GRM7: variants seen among roughly 807,000 people sequenced by gnomAD.
GRM7 encodes glutamate metabotropic receptor 7, also known as metabotropic glutamate receptor 7.
Under a neutral mutation model 84.5 loss-of-function variants are expected in GRM7, and 35 were observed. The ratio of observed to expected loss-of-function variants is 0.41; its 90% CI spans 0.32 to 0.55. The LOEUF (loss-of-function observed/expected upper bound fraction) is 0.55, where lower values mean the gene tolerates loss of function less well. Ranked by LOEUF, GRM7 falls within the 20% of genes least tolerant of loss-of-function variation. The pLI is 0.19. For missense variants in GRM7, 1,003 were observed against 1,194.6 expected (o/e 0.84, Z 2.36); for synonymous variants, 487 against 455.1 (o/e 1.07, Z -0.89).
intron 7 of GRM7, among the ~76,000 whole-genome samples, chr3:7,504,611 C>T (rs1699985105): frequency 6.6e-6 from 1 of 152,080 alleles, no homozygotes; most frequent in South Asian, 2.1e-4. Context: ...TAAGAAAAGG[C>T]AAGAGCAAAA....
intron 1 of GRM7, among the ~76,000 whole-genome samples, chr3:6,948,297 T>G (rs1487695802): frequency 6.6e-6 from 1 of 152,244 alleles, no homozygotes; most frequent in Non-Finnish European, 1.5e-5. Context: ...TATTTCTGCC[T>G]TCATTTTGTT....
chr3:7,689,951 C>G (rs1335981209), intron 9 of GRM7, among the ~76,000 whole-genome samples: 1 of 152,132 alleles, frequency 6.6e-6, no homozygotes, highest in Non-Finnish European at 1.5e-5. Flanking sequence ...GACAAGGGCT[C>G]TTCCTCAAGG....
chr3:6,991,759 A>T (rs1203464552), intron 1 of GRM7, among the ~76,000 whole-genome samples: 1 of 152,130 alleles, frequency 6.6e-6, no homozygotes, highest in Non-Finnish European at 1.5e-5. Context: ...GTTAGTTACC[A>T]TTTGTGCATG....
chr3:7,324,627 A>G (rs1196769416), intron 4 of GRM7, among the ~76,000 whole-genome samples: 1 of 152,054 alleles, frequency 6.6e-6, no homozygotes, highest in Non-Finnish European at 1.5e-5. Context: ...CATACTAGCA[A>G]GTCTTTTTGT....
rs565546267 is a variant in GRM7 at position 6,865,253 on chromosome 3, T to TA, written c.519+3354dup. On this transcript the variant is annotated intron_variant, in intron 1 of 9. Transcript: ENST00000357716. ...TAATATTGACTATAAGTAACATATT[T>TA]AAAAAAAATCATCACAGAGTTGGGA... Among the ~76,000 whole-genome samples the TA allele has an allele frequency of 6.5e-4, 99 of 152,176 alleles. 1 individual carries two copies. Among genetic ancestry groups the TA allele is most frequent in the African/African-American group, 2.3e-3 (94 of 41,528 alleles).
At chr3:7,589,680 TGAAAG>T (rs1159401660) in intron 8 of GRM7, among the ~76,000 whole-genome samples, 3 of 152,100 alleles carry the variant, frequency 2.0e-5, no homozygotes, top group Non-Finnish European at 4.4e-5. Context: ...GTTTGGGAAA[TGAAAG>T]GAATCATCAT....
chr3:7,017,421 T>C (rs991574157), intron 1 of GRM7, among the ~76,000 whole-genome samples: 2 of 152,070 alleles, frequency 1.3e-5, no homozygotes, highest in Admixed American at 1.3e-4. Context: ...ACCCAAAAAA[T>C]ATCAACAGGC....
At chr3:7,361,700 A>G (rs1027071389) in intron 4 of GRM7, among the ~76,000 whole-genome samples, 4 of 152,134 alleles carry the variant, frequency 2.6e-5, no homozygotes, top group African/African-American at 7.2e-5. Context: ...AATGAATTAT[A>G]TAGAAAATAT....
intron 7 of GRM7, among the ~76,000 whole-genome samples, chr3:7,462,957 G>A (rs571832867): frequency 6.6e-6 from 1 of 152,154 alleles, no homozygotes; most frequent in South Asian, 2.1e-4. Context: ...AGTGAAAGGA[G>A]AAAATAAAAA....
At chr3:7,669,953 TG>T (rs1256035737) in intron 8 of GRM7, among the ~76,000 whole-genome samples, 3 of 147,322 alleles carry the variant, frequency 2.0e-5, no homozygotes, top group Non-Finnish European at 4.4e-5. Context: ...TTGCTCTTCT[TG>T]GGCTTAAACC....
chr3:7,315,907 T>A (rs952092792), intron 4 of GRM7, among the ~76,000 whole-genome samples: 5 of 152,080 alleles, frequency 3.3e-5, no homozygotes, highest in African/African-American at 1.2e-4. Flanking sequence ...TTTGCTAACA[T>A]CACACCTGAC....
intron 1 of GRM7, among the ~76,000 whole-genome samples, chr3:7,010,155 G>A (rs60948369): frequency 0.04 from 6,114 of 152,188 alleles, 410 homozygotes; most frequent in African/African-American, 0.13. Context: ...ATTCTGGGCC[G>A]GGCCAGTAGC....
At chr3:6,893,338 A>G (rs1307201857) in intron 1 of GRM7, among the ~76,000 whole-genome samples, 5 of 152,190 alleles carry the variant, frequency 3.3e-5, no homozygotes, top group Non-Finnish European at 5.9e-5. Context: ...GATAATATTA[A>G]TATAAAGTAA....
intron 4 of GRM7, among the ~76,000 whole-genome samples, chr3:7,336,867 A>G: frequency 6.6e-6 from 1 of 152,054 alleles, no homozygotes; most frequent in East Asian, 1.9e-4. Flanking sequence ...AAGGAAAACT[A>G]CAAAACACTG....
chr3:7,192,976 C>A (rs1348841535), intron 2 of GRM7, among the ~76,000 whole-genome samples: 1 of 152,104 alleles, frequency 6.6e-6, no homozygotes, highest in Non-Finnish European at 1.5e-5. Flanking sequence ...CCTTACATTC[C>A]TCCCCTTCAA....
chr3:7,294,235 T>G (rs1699737058), intron 2 of GRM7, among the ~76,000 whole-genome samples: 1 of 152,196 alleles, frequency 6.6e-6, no homozygotes, highest in African/African-American at 2.4e-5. Flanking sequence ...AAATGGAGTT[T>G]GCTCCAATTT....
intron 4 of GRM7, among the ~76,000 whole-genome samples, chr3:7,346,178 A>G (rs905421499): frequency 3.3e-5 from 5 of 152,114 alleles, no homozygotes; most frequent in Non-Finnish European, 7.4e-5. Flanking sequence ...ATTCATGGGC[A>G]CTTGTCTACC....
intron 7 of GRM7, among the ~76,000 whole-genome samples, chr3:7,499,318 G>A (rs571299733): frequency 6.6e-6 from 1 of 152,124 alleles, no homozygotes; most frequent in Non-Finnish European, 1.5e-5. Flanking sequence ...ACAATGTTCT[G>A]TTCCTCTGGG....
chr3:7,569,545 C>T (rs1209057102), intron 7 of GRM7, among the ~76,000 whole-genome samples: 2 of 152,120 alleles, frequency 1.3e-5, no homozygotes, highest in Admixed American at 1.3e-4. Flanking sequence ...CAGGCTGCCC[C>T]AGCCAGCAGT....
Sources: gnomAD v4.1 joint callset for allele counts (sites outside exome capture counted in the v4.1 genomes callset) on GRCh38, gnomAD v4.1.1 for gene constraint, MANE v1.5 for transcripts, NCBI Gene and HGNC (gene_info 2026-07-23, HGNC 2026-07-21) for gene names.